Variants in TINAG observed in about 807,000 individuals in gnomAD.
TINAG encodes the protein tubulointerstitial nephritis antigen.
Under a neutral mutation model 72.7 loss-of-function variants are expected in TINAG, and 83 were observed. The observed-to-expected ratio is 1.14, with a 90% CI of 0.96 to 1.37. The LOEUF is 1.37. TINAG is among the 40% of genes most tolerant of loss of function. The pLI, the probability that TINAG is intolerant of heterozygous loss-of-function variation, is 0.00. For missense variants in TINAG, 685 were observed against 576.6 expected, an observed-to-expected ratio of 1.19 and a Z score of -1.93; for synonymous variants, 234 against 189.9, an observed-to-expected ratio of 1.23 and a Z score of -1.91.
At chr6:54,339,566 G>C (rs1784949531) in intron 4 of TINAG, among the ~76,000 whole-genome samples, 1 of 152,066 alleles carries the variant, frequency 6.6e-6, no homozygotes, top group African/African-American at 2.4e-5. Flanking sequence ...GCATGGAGGG[G>C]CTGGGAAGTG....
intron 8 of TINAG, 89 bp downstream of exon 8, chr6:54,351,486 TAA>T: frequency 7.8e-7 from 1 of 1,287,596 alleles, no homozygotes; most frequent in Non-Finnish European, 1.1e-6. Context: ...TTTAATAAAA[TAA>T]AGAAAATTTT....
chr6:54,338,232 A>G (rs1319174994), intron 4 of TINAG, among the ~76,000 whole-genome samples: 4 of 152,216 alleles, frequency 2.6e-5, no homozygotes, highest in Non-Finnish European at 5.9e-5. Context: ...TGAACAACAC[A>G]GTGGAACCTA....
chr6:54,317,479 C>G (rs1248316494), intron 1 of TINAG, among the ~76,000 whole-genome samples: 1 of 152,090 alleles, frequency 6.6e-6, no homozygotes, highest in Non-Finnish European at 1.5e-5. Flanking sequence ...TTGCCCTGTA[C>G]AAGCTCTCTC....
intron 5 of TINAG, among the ~76,000 whole-genome samples, chr6:54,346,222 G>T (rs997385616): frequency 6.6e-6 from 1 of 151,934 alleles, no homozygotes; most frequent in Non-Finnish European, 1.5e-5. Flanking sequence ...AGTTTCCCTG[G>T]TCTATTATTC....
intron 9 of TINAG, among the ~76,000 whole-genome samples, chr6:54,377,427 G>A (rs543842859): frequency 2.0e-5 from 3 of 152,158 alleles, no homozygotes; most frequent in South Asian, 4.1e-4. Context: ...CAGGAGAATC[G>A]CTGGAACCTG....
intron 10 of TINAG, among the ~76,000 whole-genome samples, chr6:54,387,464 T>TA (rs67423357): frequency 6.6e-6 from 1 of 151,822 alleles, no homozygotes; most frequent in African/African-American, 2.4e-5. Flanking sequence ...TATTTTGAGC[T>TA]AAAAAAAAGT....
intron 9 of TINAG, among the ~76,000 whole-genome samples, chr6:54,374,136 C>A (rs1016342129): frequency 2.0e-5 from 3 of 152,104 alleles, no homozygotes; most frequent in Non-Finnish European, 2.9e-5. Context: ...TGATACTACA[C>A]TTGTAATCTT....
chr6:54,371,650 A>G (rs1302777467), intron 9 of TINAG, among the ~76,000 whole-genome samples: 2 of 152,050 alleles, frequency 1.3e-5, no homozygotes, highest in Non-Finnish European at 2.9e-5. Context: ...AGAGAAATGT[A>G]ATGACAGGAA....
chr6:54,367,582 A>C (rs1315842435), intron 9 of TINAG, among the ~76,000 whole-genome samples: 3 of 151,730 alleles, frequency 2.0e-5, no homozygotes, highest in Non-Finnish European at 4.4e-5. Context: ...ACAAGTGAAA[A>C]CTGGAGTAGA....
chr6:54,384,311 C>T (rs1348530020), intron 10 of TINAG, among the ~76,000 whole-genome samples: 2 of 152,018 alleles, frequency 1.3e-5, no homozygotes, highest in African/African-American at 2.4e-5. Flanking sequence ...ATGTAACAAA[C>T]CTGCATGTTC....
chr6:54,353,970 A>G (rs1235104276), intron 8 of TINAG, among the ~76,000 whole-genome samples: 2 of 151,896 alleles, frequency 1.3e-5, no homozygotes, highest in Non-Finnish European at 2.9e-5. Context: ...TGCTTTTTAA[A>G]GTGTACAACA....
intron 4 of TINAG, among the ~76,000 whole-genome samples, chr6:54,329,211 G>A (rs1023403521): frequency 1.3e-5 from 2 of 152,082 alleles, no homozygotes; most frequent in African/African-American, 4.8e-5. Context: ...AAAATGTTAA[G>A]AAGAGTCAGA....
At chr6:54,383,254 C>T (rs1408104941) in intron 10 of TINAG, among the ~76,000 whole-genome samples, 1 of 152,012 alleles carries the variant, frequency 6.6e-6, no homozygotes, top group Non-Finnish European at 1.5e-5. Flanking sequence ...TTTTGTGGGT[C>T]AGGAAAGCAA....
intron 5 of TINAG, 148 bp from the exon 6 acceptor site, chr6:54,347,219 T>C: frequency 1.3e-6 from 1 of 744,606 alleles, no homozygotes; most frequent in Non-Finnish European, 2.1e-6. Context: ...CTGTCTGGAA[T>C]ACATAAATAT....
intron 5 of TINAG, among the ~76,000 whole-genome samples, chr6:54,347,008 T>A (rs941543372): frequency 1.3e-5 from 2 of 152,128 alleles, no homozygotes; most frequent in African/African-American, 4.8e-5. Flanking sequence ...GATACTGTTC[T>A]AGGTACAGGA....
chr6:54,336,885 T>C (rs1015878241), intron 4 of TINAG, among the ~76,000 whole-genome samples: 2 of 152,102 alleles, frequency 1.3e-5, no homozygotes, highest in African/African-American at 4.8e-5. Flanking sequence ...GTCAATCTCA[T>C]AGCTAACCAG....
At position 54,371,981 on chromosome 6, in the gene TINAG, G is replaced by GTTTT. The variant is rs576340253; in HGVS notation, c.1251-8521_1251-8518dup. Among the ~76,000 whole-genome samples the GTTTT allele has an allele frequency of 1.8e-3, 132 of 71,428 alleles. 28 individuals are homozygous for GTTTT. Among genetic ancestry groups the GTTTT allele is most frequent in the Admixed American group, 3.3e-3 (17 of 5,158 alleles). 46.9% of individuals were successfully genotyped at this position (71,428 alleles called of 152,430 possible). On this transcript the variant is annotated intron_variant, in intron 9 of 10. Transcript: ENST00000259782. ...GTTTATAAAATGGCTTTCAAGTCATGTTTTTTTTTTTTTTTTTTTTTTTTT... is the reference window on the plus strand; with the variant it reads ...GTTTATAAAATGGCTTTCAAGTCATGTTTTTTTTTTTTTTTTTTTTTTTTTTTTT...
At position 54,389,925 on chromosome 6, in the gene TINAG, A is replaced by T; in HGVS notation, c.1431A>T (p.Ter477TyrextTer7). 1 of 1,607,804 alleles carries T rather than the reference A, an allele frequency of 6.2e-7. No homozygotes were observed. The highest frequency in any genetic ancestry group is 8.5e-7 in the Non-Finnish European group (1 of 1,177,930). ...WGQLTSSDEP[*>Y] ...AACTGACGAGTTCTGATGAACCATA[A>T]CATATCATTAAATTTCCATAAGGTC... Residue 477 changes from the stop codon to tyrosine, a stop_lost, in exon 11 of 11, where the codon TAA becomes TAT. Coordinates refer to ENST00000259782, the MANE Select transcript of TINAG (RefSeq NM_014464.4).
At chr6:54,310,979 CCTT>C (rs759057722) in intron 1 of TINAG, among the ~76,000 whole-genome samples, 2 of 150,776 alleles carry the variant, frequency 1.3e-5, no homozygotes, top group Admixed American at 1.3e-4. Flanking sequence ...CTCTCCCTCT[CCTT>C]CTCCCTCTCC....
Sources: allele counts gnomAD v4.1 joint callset (sites outside exome capture counted in the v4.1 genomes callset), GRCh38; gene constraint gnomAD v4.1.1; transcripts MANE v1.5; gene names NCBI Gene and HGNC (gene_info 2026-07-23, HGNC 2026-07-21).